The following HIVEP1 variants were observed in gnomAD, a reference collection of about 807,000 sequenced individuals.
The protein encoded by HIVEP1 is HIVEP zinc finger 1.
HIVEP1 carries 36 observed loss-of-function variants against 180.0 expected under a neutral mutation model. The observed-to-expected ratio is 0.20, with a 90% CI of 0.15 to 0.26. The LOEUF (loss-of-function observed/expected upper bound fraction) is 0.26, where lower values mean the gene tolerates loss of function less well. HIVEP1 is among the 10% of genes least tolerant of loss of function. The probability of loss-of-function intolerance (pLI) is 1.00; values close to 1 mark genes in which losing one functional copy is unlikely to be tolerated. For missense variants in HIVEP1, 3,143 were observed against 3,268.7 expected, an observed-to-expected ratio of 0.96 and a Z score of 0.94; for synonymous variants, 1,239 against 1,239.0, an observed-to-expected ratio of 1.00 and a Z score of 0.00.
At chr6:12,046,172 C>CT (rs746209285) in intron 2 of HIVEP1, among the ~76,000 whole-genome samples, 1 of 152,156 alleles carries the variant, frequency 6.6e-6, no homozygotes, top group South Asian at 2.1e-4. Context: ...ATTTTATAGA[C>CT]TTTATGTTCA....
chr6:12,175,394 A>C, the HIVEP1 span, among the ~76,000 whole-genome samples: 1 of 152,238 alleles, frequency 6.6e-6, no homozygotes, highest in South Asian at 2.1e-4. Context: ...CTTTGGGAAG[A>C]TAAAAACAGA....
chr6:12,128,412 A>T (rs916129317), intron 4 of HIVEP1, among the ~76,000 whole-genome samples: 2 of 152,184 alleles, frequency 1.3e-5, no homozygotes, highest in Admixed American at 6.5e-5. Context: ...ACAGACTCTT[A>T]TCTCTTAGTA....
In HIVEP1 at chr6:12,123,230, C is replaced by G; in HGVS notation, c.3435C>G (p.Pro1145=). Residue 1145 remains proline, a synonymous_variant, in exon 4 of 9, where the codon CCC becomes CCG. Coordinates refer to ENST00000379388, the MANE Select transcript of HIVEP1 (RefSeq NM_002114.4). ...AGCACACCAACTCCCTGAGCAGGCC[C>G]AACTCATTTGACAAGCCTGAGCCTT... is the stretch of plus-strand genomic sequence containing the variant. ...VIQHTNSLSR[P]NSFDKPEPFE... 6.2e-7 allele frequency: 1 copy of G among 1,614,114 alleles called. No individual in the cohort carries two copies. The highest frequency in any genetic ancestry group is 8.5e-7 in the Non-Finnish European group (1 of 1,180,002).
chr6:12,170,428 C>A, the HIVEP1 span, among the ~76,000 whole-genome samples: 16,897 of 152,110 alleles, frequency 0.11, 1,520 homozygotes, highest in African/African-American at 0.24. Flanking sequence ...TTTATCCCTA[C>A]GGCGTGCCAT....
intron 3 of HIVEP1, among the ~76,000 whole-genome samples, chr6:12,101,336 A>C (rs1270072462): frequency 6.6e-6 from 1 of 152,208 alleles, no homozygotes; most frequent in African/African-American, 2.4e-5. Context: ...TGTTTAAAAG[A>C]CATAGTTAAG....
In HIVEP1 at chr6:12,125,398, C is replaced by G. The variant is rs1205576115; in HGVS notation, c.5603C>G (p.Thr1868Ser). 2 of 1,613,840 alleles carry G rather than the reference C, an allele frequency of 1.2e-6. No individual in the cohort carries two copies. The highest frequency in any genetic ancestry group is 1.7e-6 in the Non-Finnish European group (2 of 1,179,866). Reference protein sequence around the residue: ...FENIKSSTSLTLTVRSSPAPS... With the variant: ...FENIKSSTSLSLTVRSSPAPS... The stretch of plus-strand genomic sequence containing the variant: ...AACATCAAGTCATCCACATCATTAA[C>G]TCTTACAGTTCGAAGTTCACCTGCT... Residue 1868 changes from threonine to serine, a missense_variant, in exon 4 of 9, where the codon ACT becomes AGT. Physicochemically the swap from Thr to Ser is moderately conservative, Grantham distance 58 (BLOSUM62 1). Around this residue, in one of 12 missense-constraint regions of HIVEP1, gnomAD observed 1,357 missense variants for 1,260.5 expected, o/e 1.08. Transcript: ENST00000379388.
At chr6:12,183,874 A>G in the HIVEP1 span, among the ~76,000 whole-genome samples, 1 of 152,214 alleles carries the variant, frequency 6.6e-6, no homozygotes, top group South Asian at 2.1e-4. Flanking sequence ...TGAACAATAA[A>G]TAGCTAACAA....
At chr6:12,209,479 C>A in the HIVEP1 span, among the ~76,000 whole-genome samples, 3 of 152,194 alleles carry the variant, frequency 2.0e-5, no homozygotes, top group East Asian at 1.9e-4. Flanking sequence ...CACCTCCCAG[C>A]ACCCTATATA....
At chr6:12,083,602 T>C (rs773539061) in intron 2 of HIVEP1, among the ~76,000 whole-genome samples, 4 of 152,148 alleles carry the variant, frequency 2.6e-5, no homozygotes, top group Non-Finnish European at 5.9e-5. Context: ...CAGGGAAGGC[T>C]GCCTACCAGA....
At chr6:12,119,668 C>T (rs1420765505) in intron 3 of HIVEP1, among the ~76,000 whole-genome samples, 1 of 152,204 alleles carries the variant, frequency 6.6e-6, no homozygotes, top group African/African-American at 2.4e-5. Context: ...TCTAGAAATG[C>T]ACACTTAGGT....
intron 6 of HIVEP1, among the ~76,000 whole-genome samples, chr6:12,133,331 T>A (rs934782773): frequency 1.3e-5 from 2 of 152,226 alleles, no homozygotes; most frequent in African/African-American, 4.8e-5. Context: ...CACAGAAAAT[T>A]AGACTGCATG....
At chr6:12,014,744 G>C (rs976709370) in intron 1 of HIVEP1, among the ~76,000 whole-genome samples, 7 of 152,318 alleles carry the variant, frequency 4.6e-5, no homozygotes, top group African/African-American at 1.7e-4. Flanking sequence ...TTATATTTCA[G>C]ATCACTGTGT....
intron 2 of HIVEP1, among the ~76,000 whole-genome samples, chr6:12,042,431 A>G (rs1330979313): frequency 1.5e-5 from 2 of 136,980 alleles, no homozygotes; most frequent in African/African-American, 5.3e-5. Context: ...CCCAGGCTGG[A>G]GTGCAGTGGC....
At chr6:12,090,514 C>A (rs1581662334) in intron 3 of HIVEP1, among the ~76,000 whole-genome samples, 1 of 151,992 alleles carries the variant, frequency 6.6e-6, no homozygotes, top group South Asian at 2.1e-4. Flanking sequence ...TCATGTCTGC[C>A]TTCTCCTCAC....
At chr6:12,036,872 C>G (rs1484725642) in intron 2 of HIVEP1, among the ~76,000 whole-genome samples, 1 of 152,214 alleles carries the variant, frequency 6.6e-6, no homozygotes, top group African/African-American at 2.4e-5. Context: ...TGCACCACTG[C>G]ACTCCAGCCT....
Position 12,015,651 on chromosome 6 carries a change from A to G in HIVEP1, c.23A>G (p.His8Arg). ...AAGATGCCTCGAACTAAACAAATTC[A>G]TCCCAGAAATCTAAGAGGTAAAGCA... is the stretch of plus-strand genomic sequence containing the variant. MPRTKQI[H>R]PRNLRDKIEE... Residue 8 changes from histidine to arginine, a missense_variant, in exon 2 of 9, where the codon CAT (histidine) becomes CGT (arginine). Physicochemically the swap from His to Arg is conservative, Grantham distance 29 (BLOSUM62 0). Around this residue, in one of 12 missense-constraint regions of HIVEP1, gnomAD observed 114 missense variants for 134.5 expected, o/e 0.85. Coordinates refer to ENST00000379388, the MANE Select transcript of HIVEP1 (RefSeq NM_002114.4). 6.2e-7 allele frequency: 1 copy of G among 1,613,758 alleles called. No homozygotes were observed. Among genetic ancestry groups the G allele is most frequent in the Non-Finnish European group, 8.5e-7 (1 of 1,179,786 alleles).
the HIVEP1 span, among the ~76,000 whole-genome samples, chr6:12,191,143 A>T: frequency 1.3e-5 from 2 of 152,218 alleles, no homozygotes; most frequent in Admixed American, 6.5e-5. Context: ...TAAAAATTCT[A>T]AAAAATGTCT....
At chr6:12,144,094 C>A (rs139476391) in intron 7 of HIVEP1, among the ~76,000 whole-genome samples, 27,189 of 152,180 alleles carry the variant, frequency 0.18, 2,932 homozygotes, top group East Asian at 0.47. Context: ...GCAAAAGGAA[C>A]AAAGCTGGAG....
the HIVEP1 span, among the ~76,000 whole-genome samples, chr6:12,172,155 A>C: frequency 6.6e-6 from 1 of 152,232 alleles, no homozygotes; most frequent in African/African-American, 2.4e-5. Flanking sequence ...TTTCAGACAT[A>C]ATTAAAAGTC....
Sources: allele counts gnomAD v4.1 joint callset (sites outside exome capture counted in the v4.1 genomes callset), GRCh38; gene constraint gnomAD v4.1.1; regional missense constraint gnomAD v4.1.1; transcripts MANE v1.5; gene names NCBI Gene and HGNC (gene_info 2026-07-23, HGNC 2026-07-21).